TRHR: variants seen among roughly 807,000 people sequenced by gnomAD.
The protein encoded by TRHR is thyrotropin releasing hormone receptor.
TRHR carries 14 observed loss-of-function variants against 28.0 expected under a neutral mutation model. The ratio of observed to expected loss-of-function variants is 0.50; its 90% CI spans 0.33 to 0.78. The LOEUF is 0.78. TRHR is among the 30% of genes least tolerant of loss of function. The pLI, the probability that TRHR is intolerant of heterozygous loss-of-function variation, is 0.02. For missense variants in TRHR, 438 were observed against 469.5 expected, an observed-to-expected ratio of 0.93 and a Z score of 0.62; for synonymous variants, 176 against 171.9, an observed-to-expected ratio of 1.02 and a Z score of -0.18.
intron 2 of TRHR, among the ~76,000 whole-genome samples, chr8:109,112,959 G>A (rs527584576): frequency 6.6e-6 from 1 of 152,190 alleles, no homozygotes; most frequent in Non-Finnish European, 1.5e-5. Context: ...AAAGAACTTT[G>A]TTAATTTCAG....
At chr8:109,109,123 T>A (rs903984141) in intron 2 of TRHR, among the ~76,000 whole-genome samples, 2 of 152,188 alleles carry the variant, frequency 1.3e-5, no homozygotes, top group Non-Finnish European at 1.5e-5. Flanking sequence ...TTAGGTGCGA[T>A]AGGCATAAAC....
chr8:109,098,694 C>G (rs1811631859), intron 2 of TRHR, among the ~76,000 whole-genome samples: 2 of 152,156 alleles, frequency 1.3e-5, no homozygotes, highest in Non-Finnish European at 1.5e-5. Context: ...CTCTGTTACA[C>G]TCTTTCATGC....
At chr8:109,104,738 C>A (rs1279345338) in intron 2 of TRHR, among the ~76,000 whole-genome samples, 1 of 152,028 alleles carries the variant, frequency 6.6e-6, no homozygotes, top group Non-Finnish European at 1.5e-5. Context: ...AAAATCCCCC[C>A]AGGTGATTTC....
intron 2 of TRHR, among the ~76,000 whole-genome samples, chr8:109,092,399 TTTTA>T: frequency 6.6e-6 from 1 of 150,834 alleles, no homozygotes; most frequent in South Asian, 2.1e-4. Context: ...CAACTTTCCT[TTTTA>T]TTTATTATTT....
intron 2 of TRHR, among the ~76,000 whole-genome samples, chr8:109,091,222 A>G (rs1283574388): frequency 6.6e-6 from 1 of 152,196 alleles, no homozygotes; most frequent in Non-Finnish European, 1.5e-5. Flanking sequence ...TATACCAGAA[A>G]GATGTTTCAA....
chr8:109,111,423 G>A (rs921334293), intron 2 of TRHR, among the ~76,000 whole-genome samples: 5 of 152,118 alleles, frequency 3.3e-5, no homozygotes, highest in Admixed American at 3.3e-4. Context: ...TTAATATTCA[G>A]AAATACTGGA....
chr8:109,116,999 C>G (rs1392736245), intron 2 of TRHR, among the ~76,000 whole-genome samples: 2 of 151,998 alleles, frequency 1.3e-5, no homozygotes, highest in Non-Finnish European at 2.9e-5. Flanking sequence ...AAGTTGCTCC[C>G]TTCACTGACA....
chr8:109,091,543 G>A lies in TRHR; in HGVS notation c.789+3242G>A, dbSNP rs566177245. 3.3e-5 allele frequency among the ~76,000 whole-genome samples: 5 copies of A among 151,994 alleles called. No individual in the cohort carries two copies. In the South Asian group the frequency reaches 1.0e-3, roughly 32 times the overall value. On this transcript the variant is annotated intron_variant, in intron 2 of 2. Transcript: ENST00000518632. ...TTACAGTTTAATAAATACTCATCTG[G>A]GTCAGGTCTTTCTAATCAAGTTCTT...
chr8:109,104,149 T>A (rs545378008), intron 2 of TRHR, among the ~76,000 whole-genome samples: 1 of 152,060 alleles, frequency 6.6e-6, no homozygotes, highest in Non-Finnish European at 1.5e-5. Flanking sequence ...AGAGTTACAG[T>A]GGAAAATTAT....
chr8:109,087,693 A>G lies in TRHR; in HGVS notation c.181A>G (p.Asn61Asp), dbSNP rs145365134. 212 of 1,614,012 alleles carry G rather than the reference A, an allele frequency of 1.3e-4. 1 individual carries two copies. The Middle Eastern group carries it at 1.6e-3, about 13-fold the overall frequency. ...AACCAAGCACATGAGGACCCCCACA[A>G]ACTGCTACCTGGTGAGCCTGGCAGT... ...MRTKHMRTPT[N>D]CYLVSLAVAD... Residue 61 changes from asparagine (N) to aspartate (D), a missense_variant, in exon 2 of 3, where the codon AAC (asparagine) becomes GAC (aspartate). Asn to Asp is a conservative substitution (Grantham distance 23, BLOSUM62 1). Transcript: ENST00000518632.
In TRHR at chr8:109,096,590, G is replaced by A. The variant is rs755207453; in HGVS notation, c.789+8289G>A. On this transcript the variant is annotated intron_variant, in intron 2 of 2. Transcript: ENST00000518632. ...AGGAGTACAGGCTTTGCAAGAGCAGGTGATTAGTCTCACTCCCCAACTCCG... is the reference window on the plus strand; with the variant it reads ...AGGAGTACAGGCTTTGCAAGAGCAGATGATTAGTCTCACTCCCCAACTCCG... Among the ~76,000 whole-genome samples, 4 of 152,250 alleles carry A rather than the reference G, an allele frequency of 2.6e-5. No individual in the cohort carries two copies. In the East Asian group the frequency reaches 5.8e-4, roughly 22 times the overall value.
rs1417138919 is a variant in TRHR, at chr8:109,120,714, C to T, written c.*1259C>T. On this transcript the variant is annotated 3_prime_UTR_variant, in exon 3 of 3. Transcript: ENST00000518632. The stretch of plus-strand genomic sequence containing the variant: ...ATATTTATGACTGACATCTGCTATT[C>T]CAGTGTTTATTGGAGACTTGTGAAT... Among the ~76,000 whole-genome samples the T allele has an allele frequency of 6.6e-6, 1 of 151,712 alleles. No homozygotes were observed. The highest frequency in any genetic ancestry group is 1.5e-5 in the Non-Finnish European group (1 of 67,828).
chr8:109,108,870 A>G (rs757318013), intron 2 of TRHR, among the ~76,000 whole-genome samples: 8 of 152,188 alleles, frequency 5.3e-5, no homozygotes, highest in Non-Finnish European at 8.8e-5. Context: ...TTCAAGCAAT[A>G]GGAGAAAGGC....
At chr8:109,103,980 A>T (rs891940866) in intron 2 of TRHR, among the ~76,000 whole-genome samples, 5 of 152,194 alleles carry the variant, frequency 3.3e-5, no homozygotes, top group Non-Finnish European at 7.4e-5. Context: ...TGTTAGTCAA[A>T]AAACAGAAAC....
intron 2 of TRHR, among the ~76,000 whole-genome samples, chr8:109,106,824 A>G (rs1811758576): frequency 6.6e-6 from 1 of 152,168 alleles, no homozygotes; most frequent in Admixed American, 6.6e-5. Context: ...CATTTCCTGA[A>G]CGTTTATTGC....
rs1267939865 is a variant in TRHR, at chr8:109,105,948, T to C, written c.790-13100T>C. On this transcript the variant is annotated intron_variant, in intron 2 of 2. Transcript: ENST00000518632. ...CCTGAGCCATTCCTAAAGAATTTAT[T>C]TGTGAAAATAATTATATACTTGGTA... Among the ~76,000 whole-genome samples, 8 of 152,264 alleles carry C rather than the reference T, an allele frequency of 5.3e-5. No homozygotes were observed. In the South Asian group the frequency reaches 1.0e-3, roughly 20 times the overall value.
intron 2 of TRHR, among the ~76,000 whole-genome samples, chr8:109,100,467 C>G (rs998323396): frequency 6.6e-6 from 1 of 151,776 alleles, no homozygotes; most frequent in African/African-American, 2.4e-5. Flanking sequence ...AATAGTAATT[C>G]TATTATTACA....
chr8:109,118,819 A>C (rs1313826549), intron 2 of TRHR, among the ~76,000 whole-genome samples: 2 of 151,860 alleles, frequency 1.3e-5, no homozygotes, highest in Non-Finnish European at 2.9e-5. Context: ...GAGCTATCTC[A>C]ATAACACACT....
intron 2 of TRHR, among the ~76,000 whole-genome samples, chr8:109,094,409 G>A (rs887327940): frequency 2.0e-5 from 3 of 151,816 alleles, no homozygotes; most frequent in African/African-American, 4.8e-5. Context: ...ACACTGCTGC[G>A]CCCAGCTTAT....
Sources: allele counts gnomAD v4.1 joint callset (sites outside exome capture counted in the v4.1 genomes callset), GRCh38; gene constraint gnomAD v4.1.1; transcripts MANE v1.5; gene names NCBI Gene and HGNC (gene_info 2026-07-23, HGNC 2026-07-21).